WDR77: variants seen among roughly 807,000 people sequenced by gnomAD.
WDR77 encodes methylosome protein WDR77.
Under a neutral mutation model 44.0 loss-of-function variants are expected in WDR77, and 31 were observed. The observed-to-expected ratio is 0.70, with a 90% CI of 0.53 to 0.95. The LOEUF (loss-of-function observed/expected upper bound fraction) is 0.95. Ranked by LOEUF, WDR77 falls within the 40% of genes least tolerant of loss-of-function variation. The pLI is 0.00. For synonymous variants in WDR77, 186 were observed against 165.7 expected (o/e 1.12, Z -0.94); for missense variants, 390 against 423.9 (o/e 0.92, Z 0.70).
At chr1:111,442,602 C>A (rs771118745) in intron 8 of WDR77, 51 bp downstream of exon 8, 1 of 1,297,702 alleles carries the variant, frequency 7.7e-7, no homozygotes, top group Non-Finnish European at 1.0e-6. Flanking sequence ...CACACACACC[C>A]TCACGGTTCC....
intron 4 of WDR77, among the ~76,000 whole-genome samples, chr1:111,445,111 C>T (rs57113598): frequency 0.039 from 5,975 of 152,228 alleles, 356 homozygotes; most frequent in African/African-American, 0.13. Flanking sequence ...CTTAAATAAG[C>T]ATTTTTAGGT....
chr1:111,444,105 A>G lies in WDR77; in HGVS notation c.513T>C (p.Thr171=). 1 of 1,613,986 alleles carries G rather than the reference A, an allele frequency of 6.2e-7. No homozygotes were observed. The highest frequency in any genetic ancestry group is 8.5e-7 in the Non-Finnish European group (1 of 1,180,026). ...CCTTGTGAGGAGAGGCAGCAACACAAGTGACCTGAGCAGCATGAGCTATAA... is the reference window on the plus strand; with the variant it reads ...CCTTGTGAGGAGAGGCAGCAACACAGGTGACCTGAGCAGCATGAGCTATAA... ...SSYRAHAAQV[T]CVAASPHKDS... is the part of the protein sequence containing the mutation. The change falls in exon 5 of 10, where the codon ACT becomes ACC. Residue 171 remains threonine, a synonymous_variant. Coordinates refer to ENST00000235090, the MANE Select transcript of WDR77 (RefSeq NM_024102.4).
At position 111,441,329 on chromosome 1, in the gene WDR77, G is replaced by C. The variant is rs372703223; in HGVS notation, c.930C>G (p.His310Gln). ...VRDATWSPLN[H>Q]SLLTTVGWDH... is the part of the protein sequence containing the mutation. ...CCCAGCCCACTGTGGTAAGCAGGGAGTGATTGAGCGGGGACCAAGTCGCAT... is the reference window on the plus strand; with the variant it reads ...CCCAGCCCACTGTGGTAAGCAGGGACTGATTGAGCGGGGACCAAGTCGCAT... The change falls in exon 10 of 10, where the codon CAC becomes CAG. Residue 310 changes from histidine (H) to glutamine (Q), a missense_variant. By Grantham distance (24) the His-to-Gln change is conservative (BLOSUM62 0). Coordinates refer to ENST00000235090, the MANE Select transcript of WDR77 (RefSeq NM_024102.4). 2 of 1,583,774 alleles carry C rather than the reference G, an allele frequency of 1.3e-6. No individual in the cohort carries two copies. Among genetic ancestry groups the C allele is most frequent in the Non-Finnish European group, 1.7e-6 (2 of 1,162,758 alleles).
At chr1:111,447,601 C>T in intron 2 of WDR77, 25 bp from the exon 3 acceptor site, 1 of 1,613,928 alleles carries the variant, frequency 6.2e-7, no homozygotes, top group Non-Finnish European at 8.5e-7. Context: ...GTAAGGAAAA[C>T]ATGAGCTTGG....
At chr1:111,446,762 C>T (rs1222708952) in intron 4 of WDR77, 1 of 219,650 alleles carries the variant, frequency 4.6e-6, no homozygotes, top group African/African-American at 2.3e-5. Flanking sequence ...CCTGTGTTGC[C>T]AAGGTGGTGA....
rs1653169848 is a variant in WDR77, at chr1:111,448,790, G to A, written c.130C>T (p.Leu44Phe). 6 of 1,585,308 alleles carry A rather than the reference G, an allele frequency of 3.8e-6. No individual in the cohort carries two copies. ...CGCCCACTCAGGCTGGAGGCCCCGA[G>A]GAGAAGCGCCCCATCTACGGGGGGT... is the stretch of plus-strand genomic sequence containing the variant. ...ARYRSDGALL[L>F]GASSLSGRCW... is the part of the protein sequence containing the mutation. The change falls in exon 2 of 10, where the codon CTC (leucine) becomes TTC (phenylalanine). Residue 44 changes from leucine (L) to phenylalanine (F), a missense_variant. Transcript: ENST00000235090.
At chr1:111,445,760 C>T (rs945815808) in intron 4 of WDR77, among the ~76,000 whole-genome samples, 4 of 152,026 alleles carry the variant, frequency 2.6e-5, no homozygotes, top group Admixed American at 1.3e-4. Flanking sequence ...ATATAATAGA[C>T]ATAGAACATT....
intron 9 of WDR77, 28 bp downstream of exon 9, chr1:111,441,997 T>G: frequency 6.2e-7 from 1 of 1,608,506 alleles, no homozygotes; most frequent in Non-Finnish European, 8.5e-7. Flanking sequence ...CCTTCCCTGA[T>G]TCCCAAAGGA....
At position 111,443,884 on chromosome 1, in the gene WDR77, T is replaced by C; in HGVS notation, c.602A>G (p.Lys201Arg). 6.2e-7 allele frequency: 1 copy of C among 1,614,182 alleles called. No homozygotes were observed. The highest frequency in any genetic ancestry group is 8.5e-7 in the Non-Finnish European group (1 of 1,180,014). The change falls in exon 6 of 10, where the codon AAG (lysine) becomes AGG (arginine). Residue 201 changes from lysine to arginine, a missense_variant. Physicochemically the swap from Lys to Arg is conservative, Grantham distance 26. Transcript: ENST00000235090. Reference sequence around the variant, plus strand: ...AGACTCACCAATCTGTGATGCTGGCTTGGGACAGCGGGTATCCCAGAGTAA... The same window carrying C: ...AGACTCACCAATCTGTGATGCTGGCCTGGGACAGCGGGTATCCCAGAGTAA... ...RILLWDTRCP[K>R]PASQIGCSAP...
At position 111,441,117 on chromosome 1, in the gene WDR77, A is replaced by G. The variant is rs1652791636; in HGVS notation, c.*113T>C. The G allele has an allele frequency of 1.7e-6, 2 of 1,166,660 alleles. No homozygotes were observed. Among genetic ancestry groups the G allele is most frequent in the East Asian group, 5.7e-5 (2 of 34,974 alleles). 72.3% of individuals were successfully genotyped at this position (1,166,660 alleles called of 1,614,324 possible). ...GAGAGACGATGCCTATTAACGGCAC[A>G]GATCTAGCATATCAACATACTATAG... On this transcript the variant is annotated 3_prime_UTR_variant, in exon 10 of 10. Coordinates refer to ENST00000235090, the MANE Select transcript of WDR77 (RefSeq NM_024102.4).
chr1:111,447,556 G>A lies in WDR77; in HGVS notation c.322C>T (p.Leu108=), dbSNP rs772092394. The A allele has an allele frequency of 6.2e-7, 1 of 1,614,178 alleles. No individual in the cohort carries two copies. The highest frequency in any genetic ancestry group is 1.3e-5 in the African/African-American group (1 of 75,030). ...ACAATAAGTGTCTCATTCTCATCTA[G>A]TTCCCACAATTCAACAGCACCTGTT... is the stretch of plus-strand genomic sequence containing the variant. ...SDSGAVELWE[L]DENETLIVSK... Residue 108 remains leucine (L), a synonymous_variant, in exon 3 of 10, where the codon CTA becomes TTA. Coordinates refer to ENST00000235090, the MANE Select transcript of WDR77 (RefSeq NM_024102.4).
Position 111,442,092 on chromosome 1 carries a change from C to A in WDR77, c.802G>T (p.Val268Phe). 1.9e-6 allele frequency: 3 copies of A among 1,614,034 alleles called. No individual in the cohort carries two copies. The highest frequency in any genetic ancestry group is 2.7e-5 in the African/African-American group (2 of 75,022). Residue 268 changes from valine (V) to phenylalanine (F), a missense_variant and splice_region_variant, in exon 9 of 10, where the codon GTT (valine) becomes TTT (phenylalanine). By Grantham distance (50) the Val-to-Phe change is conservative. Coordinates refer to ENST00000235090, the MANE Select transcript of WDR77 (RefSeq NM_024102.4). ...VTGLVFSPHS[V>F]PFLASLSEDC... ...TCACTGAGAGAGGCCAGGAAGGGAA[C>A]ACTATCAGATGGAGGAGAGGGTTGT...
At chr1:111,441,853 C>A (rs1438659537) in intron 9 of WDR77, among the ~76,000 whole-genome samples, 172 bp downstream of exon 9, 2 of 152,142 alleles carry the variant, frequency 1.3e-5, no homozygotes, top group Non-Finnish European at 2.9e-5. Flanking sequence ...TGTGAATGTG[C>A]CCCAGGAATG....
chr1:111,441,140 T>C lies in WDR77; in HGVS notation c.*90A>G. The C allele has an allele frequency of 2.3e-6, 3 of 1,308,240 alleles. No homozygotes were observed. The highest frequency in any genetic ancestry group is 3.0e-6 in the Non-Finnish European group (3 of 998,158). 81.0% of individuals were successfully genotyped at this position (1,308,240 alleles called of 1,614,324 possible). On this transcript the variant is annotated 3_prime_UTR_variant, in exon 10 of 10. Transcript: ENST00000235090. ...ACAGATCTAGCATATCAACATACTA[T>C]AGAAGGCTCCTGTGTTGTCTCACAA...
chr1:111,448,738 A>C lies in WDR77; in HGVS notation c.182T>G (p.Phe61Cys). The C allele has an allele frequency of 6.2e-7, 1 of 1,613,402 alleles. No individual in the cohort carries two copies. Among genetic ancestry groups the C allele is most frequent in the Non-Finnish European group, 8.5e-7 (1 of 1,179,618 alleles). The change falls in exon 2 of 10, where the codon TTT becomes TGT. Residue 61 changes from phenylalanine (F) to cysteine (C), a missense_variant. Physicochemically the swap from Phe to Cys is radical, Grantham distance 205 (BLOSUM62 -2). Transcript: ENST00000235090. Reference protein sequence around the residue: ...GRCWAGSLWLFKDPCAAPNEG... With the variant: ...GRCWAGSLWLCKDPCAAPNEG... ...GTTGGGGGCGGCACAGGGGTCCTTA[A>C]AAAGCCAGAGGGAGCCGGCCCAGCA...
rs1652745469 is a variant in WDR77 at position 111,440,121 on chromosome 1, G to A, written c.*1109C>T. 1 of 152,370 alleles carries A rather than the reference G, an allele frequency of 6.6e-6. No individual in the cohort carries two copies. Among genetic ancestry groups the A allele is most frequent in the Admixed American group, 6.6e-5 (1 of 15,266 alleles). 9.4% of individuals were successfully genotyped at this position (152,370 alleles called of 1,614,324 possible). A position where few individuals can be genotyped will look rare whatever the true frequency, so the allele number is the denominator to read the frequency against. On this transcript the variant is annotated 3_prime_UTR_variant, in exon 10 of 10. Coordinates refer to ENST00000235090, the MANE Select transcript of WDR77 (RefSeq NM_024102.4). ...GGCAATATCCACTCCACCAACCCAA[G>A]AATAAATATTTACCTTAAGTTCTAA...
At chr1:111,447,042 A>G in intron 4 of WDR77, 53 bp downstream of exon 4, 1 of 1,599,664 alleles carries the variant, frequency 6.3e-7, no homozygotes, top group African/African-American at 1.3e-5. Flanking sequence ...AAAGTTCAAA[A>G]AGTCCAAAAA....
At position 111,447,420 on chromosome 1, in the gene WDR77, A is replaced by G. The variant is rs745419311; in HGVS notation, c.443+15T>C. The G allele has an allele frequency of 4.3e-6, 7 of 1,613,980 alleles. No homozygotes were observed. In the East Asian group the frequency reaches 1.6e-4, roughly 36 times the overall value. ...AGGAGGCTTAGAGACAGGAGCAATG[A>G]GAACAGGGACCCACCAGATGTCTTT... On this transcript the variant is annotated intron_variant, in intron 3 of 9. Transcript: ENST00000235090.
rs1653208570 is a variant in WDR77, at chr1:111,449,219, A to C, written c.-50T>G. 1 of 1,536,414 alleles carries C rather than the reference A, an allele frequency of 6.5e-7. No individual in the cohort carries two copies. Among genetic ancestry groups the C allele is most frequent in the Non-Finnish European group, 8.7e-7 (1 of 1,146,914 alleles). On this transcript the variant is annotated 5_prime_UTR_variant, in exon 1 of 10. Coordinates refer to ENST00000235090, the MANE Select transcript of WDR77 (RefSeq NM_024102.4). ...GACTCAAACTGGACGCCGGCCGGAG[A>C]CTCCGCTCCGGCAGCAAACCCCACG...
Sources: gnomAD v4.1 joint callset for allele counts (sites outside exome capture counted in the v4.1 genomes callset) on GRCh38, gnomAD v4.1.1 for gene constraint, MANE v1.5 for transcripts, NCBI Gene and HGNC (gene_info 2026-07-23, HGNC 2026-07-21) for gene names.